Variants in MAST1 observed in about 807,000 individuals in gnomAD.
MAST1 encodes the protein microtubule associated serine/threonine kinase 1, also known as microtubule-associated serine/threonine-protein kinase 1.
MAST1 carries 40 observed loss-of-function variants against 124.6 expected under a neutral mutation model. That is an observed-to-expected ratio of 0.32 (90% confidence interval 0.25 to 0.42). The LOEUF (loss-of-function observed/expected upper bound fraction) is 0.42. Among genes scored for constraint, MAST1 ranks in the 10% least tolerant of loss-of-function variants. The pLI is 1.00. For missense variants in MAST1, 1,558 were observed against 2,181.9 expected, an observed-to-expected ratio of 0.71 and a Z score of 5.70; for synonymous variants, 938 against 939.4, an observed-to-expected ratio of 1.00 and a Z score of 0.03.
Position 12,847,137 on chromosome 19 carries a change from C to G in MAST1, c.328-153C>G, listed in dbSNP as rs906772245. ...TGTCCACCTGTCTGTGGCCAAGAGT[C>G]CCAGCCAAGATCCTAGGATCCAAGG... On this transcript the variant is annotated intron_variant, in intron 4 of 25. Transcript: ENST00000251472. This position sits in a 1 kb window ranked among gnomAD's most constrained non-coding sequence, Gnocchi z 5.5. The G allele has an allele frequency of 4.8e-6, 3 of 619,128 alleles. No individual in the cohort carries two copies. The highest frequency in any genetic ancestry group is 8.6e-6 in the Non-Finnish European group (3 of 348,542). The allele number at this position is 619,128 out of a possible 1,614,324, so 38.4% of individuals were successfully genotyped here.
intron 1 of MAST1, among the ~76,000 whole-genome samples, chr19:12,839,139 G>T (rs897902426): frequency 8.4e-6 from 1 of 119,552 alleles, no homozygotes; most frequent in Non-Finnish European, 1.7e-5. Context: ...AAAAGGGGGG[G>T]TTTATCATAA....
chr19:12,850,913 CT>C (rs1246593724), intron 7 of MAST1, among the ~76,000 whole-genome samples: 1 of 149,652 alleles, frequency 6.7e-6, no homozygotes, highest in Non-Finnish European at 1.5e-5. Flanking sequence ...TAATTTTAGG[CT>C]TTTCAAGTAT....
chr19:12,874,568 C>A lies in MAST1; in HGVS notation c.4411C>A (p.Pro1471Thr). The A allele has an allele frequency of 6.6e-7, 1 of 1,506,298 alleles. No individual in the cohort carries two copies. The highest frequency in any genetic ancestry group is 2.2e-5 in the Admixed American group (1 of 44,476). 93.3% of individuals were successfully genotyped at this position (1,506,298 alleles called of 1,614,324 possible). A position where few individuals can be genotyped will look rare whatever the true frequency, so the allele number is the denominator to read the frequency against. ...QEPAPLAPSV[P>T]EAPRGRERWV... ...ACCCGCACCCCTGGCGCCTTCCGTG[C>A]CCGAGGCCCCCCGGGGCCGGGAGCG... The change falls in exon 26 of 26, where the codon CCC (proline) becomes ACC (threonine). Residue 1471 changes from proline (P) to threonine (T), a missense_variant. Pro to Thr is a conservative substitution (Grantham distance 38). Transcript: ENST00000251472. This position sits in a 1 kb window ranked among gnomAD's most constrained non-coding sequence, Gnocchi z 6.6.
intron 4 of MAST1, among the ~76,000 whole-genome samples, chr19:12,846,299 C>T (rs1342018127): frequency 1.3e-5 from 2 of 151,986 alleles, no homozygotes; most frequent in African/African-American, 2.4e-5. Flanking sequence ...ATGATCCTCC[C>T]GCCTTCGCCT....
chr19:12,866,721 G>A lies in MAST1; in HGVS notation c.2098G>A (p.Glu700Lys). Residue 700 changes from glutamate (E) to lysine (K), a missense_variant, in exon 18 of 26, where the codon GAA becomes AAA. Coordinates refer to ENST00000251472, the MANE Select transcript of MAST1 (RefSeq NM_014975.3). The surrounding 1 kb of genome is among the most constrained non-coding windows in gnomAD (Gnocchi z 5.2). Reference sequence around the variant, plus strand: ...TGACACGACGGAGGAGGAGCCCGTGGAAATCCGCCAGTTCTCTTCCTGCTC... The same window carrying A: ...TGACACGACGGAGGAGGAGCCCGTGAAAATCCGCCAGTTCTCTTCCTGCTC... ...EDDTTEEEPV[E>K]IRQFSSCSPR... 1 of 1,613,974 alleles carries A rather than the reference G, an allele frequency of 6.2e-7. No individual in the cohort carries two copies. Among genetic ancestry groups the A allele is most frequent in the Non-Finnish European group, 8.5e-7 (1 of 1,179,966 alleles).
rs563045115 is a variant in MAST1 at position 12,872,311 on chromosome 19, C to T, written c.3264-1013C>T. The stretch of plus-strand genomic sequence containing the variant: ...TTTTGATCAGTGAGTTTGGCCCAGA[C>T]AAGTACAGGGATTTGGGTGAGAGGA... On this transcript the variant is annotated intron_variant, in intron 24 of 25. Coordinates refer to ENST00000251472, the MANE Select transcript of MAST1 (RefSeq NM_014975.3). 4.6e-5 allele frequency among the ~76,000 whole-genome samples: 7 copies of T among 152,174 alleles called. No individual in the cohort carries two copies. In the East Asian group the frequency reaches 1.4e-3, roughly 29 times the overall value.
In MAST1 at chr19:12,874,691, C is replaced by T. The variant is rs774112859; in HGVS notation, c.4534C>T (p.Leu1512=). 1.1e-5 allele frequency: 18 copies of T among 1,566,410 alleles called. No homozygotes were observed. Among genetic ancestry groups the T allele is most frequent in the Non-Finnish European group, 1.3e-5 (15 of 1,150,486 alleles). ...KLSPEPQTPS[L]APAKCSAPSS... ...CTCCCCGGAGCCCCAGACACCCTCC[C>T]TAGCCCCAGCGAAGTGCAGTGCACC... Residue 1512 remains leucine (L), a synonymous_variant, in exon 26 of 26, where the codon CTA becomes TTA. Coordinates refer to ENST00000251472, the MANE Select transcript of MAST1 (RefSeq NM_014975.3). This position sits in a 1 kb window ranked among gnomAD's most constrained non-coding sequence, Gnocchi z 6.6.
intron 12 of MAST1, among the ~76,000 whole-genome samples, chr19:12,860,064 G>T (rs1011840233): frequency 6.6e-6 from 1 of 151,572 alleles, no homozygotes; most frequent in Non-Finnish European, 1.5e-5. Flanking sequence ...TTGTCTTTGT[G>T]GTTGTCCATC....
At chr19:12,873,289 G>T in intron 24 of MAST1, 35 bp from the exon 25 acceptor site, 20 of 1,596,474 alleles carry the variant, frequency 1.3e-5, no homozygotes, top group Non-Finnish European at 1.6e-5. Context: ...CTGGCGTCCA[G>T]GTCAAGGACG....
In MAST1 at chr19:12,867,668, G is replaced by T; in HGVS notation, c.2318+16G>T. On this transcript the variant is annotated intron_variant, in intron 19 of 25. Transcript: ENST00000251472. ...CTCCGGAGATGTGAGCAGGGGAATG[G>T]CGGAGTTTGGGGGCGGGGTCGAAGG... 4.5e-6 allele frequency: 7 copies of T among 1,562,110 alleles called. No individual in the cohort carries two copies. The highest frequency in any genetic ancestry group is 6.1e-6 in the Non-Finnish European group (7 of 1,154,662).
Position 12,847,537 on chromosome 19 carries a change from G to A in MAST1, c.489-75G>A. Reference sequence around the variant, plus strand: ...GACCCCTGTCCCCGCGAATAAAAGGGTTACATCTTGGGGCGGGGGCTCTCT... The same window carrying A: ...GACCCCTGTCCCCGCGAATAAAAGGATTACATCTTGGGGCGGGGGCTCTCT... On this transcript the variant is annotated intron_variant, in intron 5 of 25. Coordinates refer to ENST00000251472, the MANE Select transcript of MAST1 (RefSeq NM_014975.3). The surrounding 1 kb of genome is among the most constrained non-coding windows in gnomAD (Gnocchi z 5.5). 2 of 1,612,836 alleles carry A rather than the reference G, an allele frequency of 1.2e-6. No individual in the cohort carries two copies. The highest frequency in any genetic ancestry group is 1.7e-6 in the Non-Finnish European group (2 of 1,179,274).
intron 20 of MAST1, 133 bp downstream of exon 20, chr19:12,868,110 T>TTTTTTTTTTTTTTTG: frequency 1.2e-6 from 1 of 868,080 alleles, no homozygotes; most frequent in African/African-American, 2.0e-5. Context: ...GGGATTTTTT[T>TTTTTTTTTTTTTTTG]TTTTTTTTTT....
At chr19:12,873,565 G>A in intron 25 of MAST1, 44 bp from the exon 26 acceptor site, 1 of 1,580,666 alleles carries the variant, frequency 6.3e-7, no homozygotes, top group South Asian at 1.1e-5. Flanking sequence ...GGCCTGGCTG[G>A]TGCTTGGGCT....
rs774235693 is a variant in MAST1 at position 12,868,715 on chromosome 19, A to G, written c.2639A>G (p.Asn880Ser). The change falls in exon 21 of 26, where the codon AAT (asparagine) becomes AGT (serine). Residue 880 changes from asparagine (N) to serine (S), a missense_variant. Around this residue, in one of 10 missense-constraint regions of MAST1, gnomAD observed 287 missense variants for 308.0 expected, o/e 0.93. Coordinates refer to ENST00000251472, the MANE Select transcript of MAST1 (RefSeq NM_014975.3). ...DGDASGPRAT[N>S]DLVLRRARHQ... ...GATGCATCAGGCCCAAGGGCTACCA[A>G]TGACTTGGTTCTGCGCCGGGCGCGG... 3.7e-6 allele frequency: 6 copies of G among 1,613,224 alleles called. No individual in the cohort carries two copies. The highest frequency in any genetic ancestry group is 4.2e-6 in the Non-Finnish European group (5 of 1,179,400).
intron 12 of MAST1, among the ~76,000 whole-genome samples, chr19:12,862,173 T>C (rs916805816): frequency 6.6e-6 from 1 of 151,940 alleles, no homozygotes; most frequent in Non-Finnish European, 1.5e-5. Flanking sequence ...TCTGGCAAAT[T>C]TTTGTACTTT....
intron 3 of MAST1, among the ~76,000 whole-genome samples, chr19:12,842,039 G>A (rs1969835881): frequency 6.6e-6 from 1 of 152,270 alleles, no homozygotes; most frequent in African/African-American, 2.4e-5. Context: ...ACTGTGCAAA[G>A]TGTGCTGGTG....
chr19:12,861,680 C>CCTTTCTT (rs1970084368), intron 12 of MAST1, among the ~76,000 whole-genome samples: 1 of 143,450 alleles, frequency 7.0e-6, no homozygotes, highest in Non-Finnish European at 1.5e-5. Flanking sequence ...TTCTTTTTCT[C>CCTTTCTT]TCTTTCTTTC....
chr19:12,871,106 G>A lies in MAST1; in HGVS notation c.3197G>A (p.Arg1066His), dbSNP rs570269609. The A allele has an allele frequency of 5.2e-5, 84 of 1,614,196 alleles. No individual in the cohort carries two copies. Among genetic ancestry groups the A allele is most frequent in the Non-Finnish European group, 6.4e-5 (76 of 1,180,038 alleles). ...NTSIRIGPAR[R>H]SSYKAKMARR... ...TCTATCCGCATTGGTCCCGCAAGGC[G>A]CAGCAGCTACAAGGCTAAAATGGCT... The change falls in exon 24 of 26, where the codon CGC becomes CAC. Residue 1066 changes from arginine to histidine, a missense_variant. Physicochemically the swap from Arg to His is conservative, Grantham distance 29. This residue lies in a region of MAST1 where 291 missense variants were observed against 475.8 expected (regional missense o/e 0.61). Transcript: ENST00000251472.
chr19:12,868,306 T>A (rs1810363), intron 20 of MAST1, among the ~76,000 whole-genome samples: 50,235 of 150,836 alleles, frequency 0.33, 8,888 homozygotes, highest in East Asian at 0.62. Context: ...ACAGGGTTTC[T>A]TCATGTTGGC....
Sources: allele counts gnomAD v4.1 joint callset (sites outside exome capture counted in the v4.1 genomes callset), GRCh38; gene constraint gnomAD v4.1.1; regional missense constraint gnomAD v4.1.1; non-coding constraint Gnocchi (gnomAD v3.1); transcripts MANE v1.5; gene names NCBI Gene and HGNC (gene_info 2026-07-23, HGNC 2026-07-21).